RIN3: variants seen among roughly 807,000 people sequenced by gnomAD.
The protein encoded by RIN3 is RAB5 interacting protein 3.
A neutral mutation model predicts 76.3 loss-of-function variants in RIN3; 54 were observed. That is an observed-to-expected ratio of 0.71 (90% CI 0.57 to 0.89). The LOEUF (loss-of-function observed/expected upper bound fraction) is 0.89. Among genes scored for constraint, RIN3 ranks in the 40% least tolerant of loss-of-function variants. RIN3 has a pLI of 0.00. For missense variants in RIN3, 1,256 were observed against 1,322.1 expected (o/e 0.95, Z 0.78); for synonymous variants, 576 against 564.0 (o/e 1.02, Z -0.30).
At chr14:92,541,679 T>A (rs1230860328) in intron 1 of RIN3, among the ~76,000 whole-genome samples, 1 of 152,218 alleles carries the variant, frequency 6.6e-6, no homozygotes, top group Non-Finnish European at 1.5e-5. Context: ...AAGACCTAAA[T>A]GTAAGAACTG....
intron 2 of RIN3, among the ~76,000 whole-genome samples, chr14:92,561,365 C>G (rs753231922): frequency 2.0e-5 from 2 of 99,992 alleles, no homozygotes; most frequent in East Asian, 5.7e-4. Flanking sequence ...TCCCCACTAT[C>G]CACCTCCCTC....
At chr14:92,617,011 A>G (rs1236089541) in intron 4 of RIN3, among the ~76,000 whole-genome samples, 1 of 152,156 alleles carries the variant, frequency 6.6e-6, no homozygotes, top group Non-Finnish European at 1.5e-5. Context: ...TGTTTAACAA[A>G]TTCCTGGCCA....
chr14:92,626,750 G>A (rs767118915), intron 4 of RIN3, among the ~76,000 whole-genome samples: 6 of 152,052 alleles, frequency 3.9e-5, no homozygotes, highest in Non-Finnish European at 5.9e-5. Flanking sequence ...GTCAAGTTGG[G>A]GGGAATTAAA....
intron 4 of RIN3, among the ~76,000 whole-genome samples, chr14:92,634,335 C>T (rs926204363): frequency 7.7e-6 from 1 of 130,650 alleles, no homozygotes; most frequent in Non-Finnish European, 1.6e-5. Context: ...CCACCTCAGC[C>T]TCCCAAAGTG....
chr14:92,637,110 T>C (rs1382393988), intron 4 of RIN3, among the ~76,000 whole-genome samples: 1 of 151,978 alleles, frequency 6.6e-6, no homozygotes, highest in Admixed American at 6.6e-5. Context: ...TTCAAGCGCA[T>C]TACGTTTATT....
chr14:92,626,851 A>C (rs1479973352), intron 4 of RIN3, among the ~76,000 whole-genome samples: 1 of 152,052 alleles, frequency 6.6e-6, no homozygotes, highest in African/African-American at 2.4e-5. Context: ...TCTTTAGGGG[A>C]AAGAGGAGAA....
chr14:92,568,606 G>A lies in RIN3; in HGVS notation c.250-8754G>A, dbSNP rs569175702. Among the ~76,000 whole-genome samples the A allele has an allele frequency of 2.6e-5, 4 of 152,322 alleles. No homozygotes were observed. The East Asian group carries it at 5.8e-4, about 22-fold the overall frequency. On this transcript the variant is annotated intron_variant, in intron 2 of 9. Coordinates refer to ENST00000216487, the MANE Select transcript of RIN3 (RefSeq NM_024832.5). The surrounding 1 kb of genome is among the most constrained non-coding windows in gnomAD (Gnocchi z 4.2). ...CAGACCTGGGCTCTGCCCACAGCAC[G>A]TACCTGTCAGTGTCACCCTCACCCA...
chr14:92,679,736 G>T (rs931297135), intron 8 of RIN3, among the ~76,000 whole-genome samples: 1 of 152,174 alleles, frequency 6.6e-6, no homozygotes, highest in African/African-American at 2.4e-5. Flanking sequence ...AGATGCTTAG[G>T]GTGGGAGGTG....
At chr14:92,653,767 C>T (rs1156929547) in intron 6 of RIN3, among the ~76,000 whole-genome samples, 1 of 152,230 alleles carries the variant, frequency 6.6e-6, no homozygotes, top group African/African-American at 2.4e-5. Flanking sequence ...CCTATAATCC[C>T]AGCACTCTGG....
chr14:92,647,004 G>A (rs565179711), intron 5 of RIN3, among the ~76,000 whole-genome samples: 1 of 152,204 alleles, frequency 6.6e-6, no homozygotes, highest in Non-Finnish European at 1.5e-5. Flanking sequence ...CAGTCCGCTG[G>A]ATGATCTTGT....
intron 7 of RIN3, among the ~76,000 whole-genome samples, chr14:92,675,312 ATG>A (rs1273855868): frequency 1.3e-5 from 2 of 152,152 alleles, no homozygotes; most frequent in Non-Finnish European, 2.9e-5. Context: ...TTTTATTTAG[ATG>A]TTACTGTTTT....
intron 3 of RIN3, among the ~76,000 whole-genome samples, chr14:92,605,831 G>T (rs906564565): frequency 5.9e-5 from 9 of 152,122 alleles, no homozygotes; most frequent in African/African-American, 1.9e-4. Flanking sequence ...ATAATAACTG[G>T]TTAAAGGCCC....
intron 9 of RIN3, chr14:92,687,615 A>C: frequency 2.5e-4 from 86 of 339,546 alleles, no homozygotes; most frequent in East Asian, 4.8e-4. Flanking sequence ...GAGGGAGGGA[A>C]TGAATGAATG....
At chr14:92,662,205 CAG>C (rs938309014) in intron 7 of RIN3, among the ~76,000 whole-genome samples, 1 of 152,230 alleles carries the variant, frequency 6.6e-6, no homozygotes, top group Non-Finnish European at 1.5e-5. Context: ...CAAGCCTTCT[CAG>C]AGAGAGGCAG....
chr14:92,583,488 G>T (rs1046800294), intron 3 of RIN3, among the ~76,000 whole-genome samples: 2 of 152,228 alleles, frequency 1.3e-5, no homozygotes, highest in East Asian at 3.8e-4. Context: ...AAATGAGTGT[G>T]CAGCTGGCCC....
chr14:92,615,057 GGT>G (rs1412843699), intron 3 of RIN3, among the ~76,000 whole-genome samples: 1 of 151,816 alleles, frequency 6.6e-6, no homozygotes, highest in Non-Finnish European at 1.5e-5. Flanking sequence ...TGGCCAGGCT[GGT>G]CTTGAACTCC....
chr14:92,569,505 G>C (rs1021977792), intron 2 of RIN3, among the ~76,000 whole-genome samples: 1 of 152,104 alleles, frequency 6.6e-6, no homozygotes, highest in Admixed American at 6.5e-5. Context: ...GGCTGCTCAG[G>C]GCCGTCTGAG....
chr14:92,666,775 C>T (rs59124998), intron 7 of RIN3, among the ~76,000 whole-genome samples: 16,893 of 151,926 alleles, frequency 0.11, 1,027 homozygotes, highest in East Asian at 0.27. Flanking sequence ...GGGAGAAAGA[C>T]GGTAGGGGTG....
At chr14:92,561,040 A>ATATATATATATATATAT (rs1306892381) in intron 2 of RIN3, among the ~76,000 whole-genome samples, 3 of 15,436 alleles carry the variant, frequency 1.9e-4, no homozygotes, top group Non-Finnish European at 3.9e-4. Context: ...AAAAAAAAAA[A>ATATATATATATATATAT]AAAAATATAT....
Sources: gnomAD v4.1 joint callset for allele counts (sites outside exome capture counted in the v4.1 genomes callset) on GRCh38, gnomAD v4.1.1 for gene constraint, Gnocchi (gnomAD v3.1) non-coding constraint, MANE v1.5 for transcripts, NCBI Gene and HGNC (gene_info 2026-07-23, HGNC 2026-07-21) for gene names.